The following KLRG1 variants were observed in gnomAD, a reference collection of about 807,000 sequenced individuals.
The protein encoded by KLRG1 is killer cell lectin like receptor G1, also known as killer cell lectin-like receptor subfamily G member 1.
Under a neutral mutation model 21.8 loss-of-function variants are expected in KLRG1, and 16 were observed. That is an observed-to-expected ratio of 0.73 (90% CI 0.50 to 1.11). The LOEUF (loss-of-function observed/expected upper bound fraction) is 1.11, where lower values mean the gene tolerates loss of function less well. Ranked by LOEUF, KLRG1 falls within the 50% of genes most tolerant of loss-of-function variation. KLRG1 has a pLI of 0.00. For missense variants in KLRG1, 173 were observed against 218.3 expected (o/e 0.79, Z 1.31); for synonymous variants, 69 against 75.9 (o/e 0.91, Z 0.47).
chr12:9,090,314 A>G, the KLRG1 span: 1 of 1,613,554 alleles, frequency 6.2e-7, no homozygotes, highest in Admixed American at 1.7e-5. Context: ...TGCCATATAC[A>G]ATCTTTGAGT....
chr12:9,197,475 AATAAT>A, the KLRG1 span, among the ~76,000 whole-genome samples: 11 of 130,586 alleles, frequency 8.4e-5, no homozygotes, highest in African/African-American at 2.1e-4. Context: ...TATAATATAT[AATAAT>A]ATAATATATT....
the KLRG1 span, chr12:9,036,896 G>A: frequency 8.2e-5 from 28 of 342,114 alleles, no homozygotes; most frequent in Non-Finnish European, 1.2e-4. Flanking sequence ...GTGGGCTACC[G>A]GATGGGGGAC....
At chr12:9,137,027 G>A in the KLRG1 span, among the ~76,000 whole-genome samples, 4 of 152,068 alleles carry the variant, frequency 2.6e-5, no homozygotes, top group Non-Finnish European at 4.4e-5. Flanking sequence ...GAGCTTTCCA[G>A]TTTGACATAG....
chr12:9,159,689 G>A, the KLRG1 span, among the ~76,000 whole-genome samples: 7 of 151,882 alleles, frequency 4.6e-5, no homozygotes, highest in African/African-American at 1.7e-4. Flanking sequence ...CAATCCTCTA[G>A]TCATATGATG....
intron 1 of KLRG1, among the ~76,000 whole-genome samples, chr12:8,966,219 T>TA (rs1946469451): frequency 6.6e-6 from 1 of 152,300 alleles, no homozygotes; most frequent in South Asian, 2.1e-4. Flanking sequence ...ATGTTAGACC[T>TA]AAAACCATAA....
At chr12:9,045,701 A>G in the KLRG1 span, among the ~76,000 whole-genome samples, 2 of 152,236 alleles carry the variant, frequency 1.3e-5, no homozygotes, top group Non-Finnish European at 2.9e-5. Context: ...AAATGCTAGG[A>G]ATAAAAGTAC....
At chr12:9,036,772 A>G in the KLRG1 span, 1 of 380,524 alleles carries the variant, frequency 2.6e-6, no homozygotes, top group Non-Finnish European at 5.2e-6. Context: ...GTTAATTTTG[A>G]TTTTGCTGGA....
the KLRG1 span, chr12:9,057,779 A>T: frequency 6.6e-6 from 1 of 152,412 alleles, no homozygotes; most frequent in Non-Finnish European, 1.5e-5. Flanking sequence ...CTTTTTCCTT[A>T]GCATCAGTCT....
chr12:9,098,478 G>T, the KLRG1 span: 2 of 954,998 alleles, frequency 2.1e-6, no homozygotes, highest in Non-Finnish European at 2.9e-6. Context: ...GCCCACAAGA[G>T]AGCTCAAAGC....
the KLRG1 span, among the ~76,000 whole-genome samples, chr12:9,213,290 T>C: frequency 6.6e-6 from 1 of 152,204 alleles, no homozygotes; most frequent in East Asian, 1.9e-4. Flanking sequence ...TAAATATTTG[T>C]ATACAAGTGT....
the KLRG1 span, chr12:9,077,399 T>C: frequency 6.2e-7 from 1 of 1,613,260 alleles, no homozygotes; most frequent in Non-Finnish European, 8.5e-7. Context: ...GCGGAGAGGG[T>C]CACTTCATCT....
chr12:9,169,113 T>C, the KLRG1 span: 1 of 619,642 alleles, frequency 1.6e-6, no homozygotes, highest in Admixed American at 3.2e-5. Flanking sequence ...AAATATAGAG[T>C]AGTGAAATTA....
the KLRG1 span, chr12:9,093,637 AATGT>A: frequency 1.0e-6 from 1 of 957,682 alleles, no homozygotes; most frequent in Non-Finnish European, 1.4e-6. Flanking sequence ...CTTATGAGAG[AATGT>A]AATAGTTGCC....
At chr12:9,112,126 A>G in the KLRG1 span, 1 of 1,609,000 alleles carries the variant, frequency 6.2e-7, no homozygotes, top group East Asian at 2.2e-5. Flanking sequence ...GTTTATACAG[A>G]CAATCATTTT....
chr12:9,125,323 C>T, the KLRG1 span, among the ~76,000 whole-genome samples: 1 of 152,146 alleles, frequency 6.6e-6, no homozygotes, highest in East Asian at 1.9e-4. Flanking sequence ...TATTGTGCAC[C>T]CTTCACTTGT....
At chr12:9,152,954 G>A in the KLRG1 span, 1 of 1,614,102 alleles carries the variant, frequency 6.2e-7, no homozygotes, top group Non-Finnish European at 8.5e-7. Context: ...ATGGATGTCT[G>A]TGAAACAGCA....
chr12:9,123,111 T>C, the KLRG1 span, among the ~76,000 whole-genome samples: 1 of 152,188 alleles, frequency 6.6e-6, no homozygotes, highest in Admixed American at 6.5e-5. Context: ...GTACAAATAT[T>C]TTAGGACATA....
At chr12:9,160,774 G>GC in the KLRG1 span, among the ~76,000 whole-genome samples, 1 of 152,054 alleles carries the variant, frequency 6.6e-6, no homozygotes, top group Non-Finnish European at 1.5e-5. Flanking sequence ...AATTAGCCGG[G>GC]CGTGGTGGCG....
the KLRG1 span, among the ~76,000 whole-genome samples, chr12:9,021,400 A>C: frequency 7.3e-6 from 1 of 136,758 alleles, no homozygotes. Flanking sequence ...AAACTTTTTT[A>C]CTCTTTTTTT....
Sources: gnomAD v4.1 joint callset for allele counts (sites outside exome capture counted in the v4.1 genomes callset) on GRCh38, gnomAD v4.1.1 for gene constraint, MANE v1.5 for transcripts, NCBI Gene and HGNC (gene_info 2026-07-23, HGNC 2026-07-21) for gene names.